PRIM2: variants seen among roughly 807,000 people sequenced by gnomAD.
PRIM2 encodes the protein DNA primase large subunit.
PRIM2 carries 39 observed loss-of-function variants against 67.3 expected under a neutral mutation model. The ratio of observed to expected loss-of-function variants is 0.58; its 90% CI spans 0.45 to 0.76. The LOEUF (loss-of-function observed/expected upper bound fraction) is 0.76, where lower values mean the gene tolerates loss of function less well. Ranked by LOEUF, PRIM2 falls within the 30% of genes least tolerant of loss-of-function variation. The pLI is 0.00. For synonymous variants in PRIM2, 143 were observed against 198.7 expected (o/e 0.72, Z 2.36); for missense variants, 398 against 598.7 (o/e 0.66, Z 3.50).
At chr6:57,325,718 AC>A (rs1225765557) in intron 4 of PRIM2, among the ~76,000 whole-genome samples, 1 of 152,082 alleles carries the variant, frequency 6.6e-6, no homozygotes, top group East Asian at 1.9e-4. Flanking sequence ...AATTTTTAAC[AC>A]CCCCTATACC....
chr6:57,598,500 A>T, intron 10 of PRIM2, among the ~76,000 whole-genome samples: 1 of 152,252 alleles, frequency 6.6e-6, no homozygotes, highest in East Asian at 1.9e-4. Flanking sequence ...CTTGCCAGAT[A>T]TCTTGTCAAA....
At chr6:57,458,941 A>G (rs1259359979) in intron 7 of PRIM2, among the ~76,000 whole-genome samples, 1 of 152,248 alleles carries the variant, frequency 6.6e-6, no homozygotes, top group Non-Finnish European at 1.5e-5. Flanking sequence ...GAGGACCTGC[A>G]GCGTTGAGCA....
intron 5 of PRIM2, among the ~76,000 whole-genome samples, chr6:57,361,086 T>TG: frequency 6.6e-6 from 1 of 152,148 alleles, no homozygotes; most frequent in Non-Finnish European, 1.5e-5. Context: ...TGGCTGACAC[T>TG]GAGAGATTCA....
intron 6 of PRIM2, among the ~76,000 whole-genome samples, chr6:57,381,488 C>A (rs1769958717): frequency 6.6e-6 from 1 of 150,714 alleles, no homozygotes; most frequent in African/African-American, 2.5e-5. Context: ...ATTCTTGGGG[C>A]AAATACTTCT....
chr6:57,633,312 C>T (rs1777064981), intron 13 of PRIM2, among the ~76,000 whole-genome samples: 1 of 152,134 alleles, frequency 6.6e-6, no homozygotes, highest in African/African-American at 2.4e-5. Context: ...CATTTTGTCT[C>T]TAAGTACATA....
the PRIM2 span, among the ~76,000 whole-genome samples, chr6:57,301,222 T>TTA: frequency 2.0e-5 from 3 of 152,114 alleles, no homozygotes; most frequent in African/African-American, 7.2e-5. Flanking sequence ...GTGTGGTGGG[T>TTA]TATGCCTGTT....
chr6:57,324,507 A>C (rs1214819852), intron 4 of PRIM2, among the ~76,000 whole-genome samples: 1 of 152,216 alleles, frequency 6.6e-6, no homozygotes, highest in African/African-American at 2.4e-5. Flanking sequence ...ACACTTCTTA[A>C]GTTTGTGAGA....
At chr6:57,229,516 C>T in the PRIM2 span, among the ~76,000 whole-genome samples, 1 of 149,658 alleles carries the variant, frequency 6.7e-6, no homozygotes, top group Non-Finnish European at 1.5e-5. Context: ...GAGACTGAAT[C>T]TCGCTCTGTT....
chr6:57,255,178 C>T, the PRIM2 span, among the ~76,000 whole-genome samples: 5 of 151,994 alleles, frequency 3.3e-5, no homozygotes, highest in African/African-American at 7.3e-5. Flanking sequence ...TCCATACTGC[C>T]GAGGATCCAT....
At chr6:57,442,802 A>G (rs1772240792) in intron 7 of PRIM2, among the ~76,000 whole-genome samples, 1 of 151,962 alleles carries the variant, frequency 6.6e-6, no homozygotes, top group Non-Finnish European at 1.5e-5. Flanking sequence ...ATTGGAATTT[A>G]CTCTTAGCAA....
the PRIM2 span, among the ~76,000 whole-genome samples, chr6:57,269,946 T>C: frequency 1.1e-4 from 17 of 152,344 alleles, no homozygotes; most frequent in East Asian, 3.3e-3. Context: ...GTTGTAGATA[T>C]GCGGCATTAT....
intron 10 of PRIM2, among the ~76,000 whole-genome samples, chr6:57,565,356 G>T (rs1775717533): frequency 6.7e-6 from 1 of 148,352 alleles, no homozygotes. Flanking sequence ...TCTATATAAA[G>T]ATATTTTTTA....
intron 8 of PRIM2, among the ~76,000 whole-genome samples, chr6:57,527,684 C>T (rs1774788854): frequency 1.3e-5 from 2 of 152,216 alleles, no homozygotes; most frequent in South Asian, 4.1e-4. Context: ...TTCTCACCAT[C>T]TGCCTTTCTT....
chr6:57,590,638 G>C (rs1184817908), intron 10 of PRIM2, among the ~76,000 whole-genome samples: 1 of 152,120 alleles, frequency 6.6e-6, no homozygotes, highest in African/African-American at 2.4e-5. Flanking sequence ...AGATATTGAG[G>C]GTGATCTCAA....
the PRIM2 span, among the ~76,000 whole-genome samples, chr6:57,240,091 G>GTTT: frequency 1.7e-4 from 15 of 90,012 alleles, 2 homozygotes; most frequent in South Asian, 9.0e-4. Context: ...TCAATAATCT[G>GTTT]TTTTTTTTTT....
intron 5 of PRIM2, among the ~76,000 whole-genome samples, chr6:57,349,084 A>C (rs1768774962): frequency 6.6e-6 from 1 of 152,028 alleles, no homozygotes; most frequent in Non-Finnish European, 1.5e-5. Context: ...CAACAACAGA[A>C]ACCCAGAAAC....
chr6:57,314,744 G>A (rs1408274043), upstream of PRIM2: 4 of 152,186 alleles, frequency 2.6e-5, no homozygotes, highest in East Asian at 7.7e-4. Flanking sequence ...GGTTGCCAGG[G>A]CTGAGCATTG....
At chr6:57,336,141 A>G (rs963270673) in intron 5 of PRIM2, among the ~76,000 whole-genome samples, 3 of 152,236 alleles carry the variant, frequency 2.0e-5, no homozygotes, top group Admixed American at 1.3e-4. Flanking sequence ...AAATGAAGCG[A>G]GAAGGGAAGT....
chr6:57,584,832 T>A (rs1776159720), intron 10 of PRIM2, among the ~76,000 whole-genome samples: 1 of 152,218 alleles, frequency 6.6e-6, no homozygotes, highest in Non-Finnish European at 1.5e-5. Flanking sequence ...TAATACATAC[T>A]TACAGTTTAG....
Sources: gnomAD v4.1 joint callset for allele counts (sites outside exome capture counted in the v4.1 genomes callset) on GRCh38, gnomAD v4.1.1 for gene constraint, MANE v1.5 for transcripts, NCBI Gene and HGNC (gene_info 2026-07-23, HGNC 2026-07-21) for gene names.